Variants in MAML2 observed in about 807,000 individuals in gnomAD.
The protein encoded by MAML2 is mastermind like transcriptional coactivator 2.
Under a neutral mutation model 96.1 loss-of-function variants are expected in MAML2, and 22 were observed. The ratio of observed to expected loss-of-function variants is 0.23; its 90% CI spans 0.16 to 0.33. The LOEUF (loss-of-function observed/expected upper bound fraction) is 0.33. Ranked by LOEUF, MAML2 falls within the 10% of genes least tolerant of loss-of-function variation. The probability of loss-of-function intolerance (pLI) is 1.00; values close to 1 mark genes in which losing one functional copy is unlikely to be tolerated. For synonymous variants in MAML2, 561 were observed against 521.3 expected (o/e 1.08, Z -1.04); for missense variants, 1,367 against 1,392.4 (o/e 0.98, Z 0.29).
intron 2 of MAML2, among the ~76,000 whole-genome samples, chr11:96,045,206 T>A (rs1472485799): frequency 6.6e-6 from 1 of 152,180 alleles, no homozygotes; most frequent in Admixed American, 6.5e-5. Flanking sequence ...TGGTCACCCG[T>A]ACTGAGCAAA....
In MAML2 at chr11:96,029,123, T is replaced by C. The variant is rs1055788051; in HGVS notation, c.2140-37400A>G. Among the ~76,000 whole-genome samples the C allele has an allele frequency of 5.9e-5, 9 of 151,978 alleles. No individual in the cohort carries two copies. The East Asian group carries it at 1.5e-3, about 26-fold the overall frequency. On this transcript the variant is annotated intron_variant, in intron 2 of 4. Coordinates refer to ENST00000524717, the MANE Select transcript of MAML2 (RefSeq NM_032427.4). ...CAACCCAAAGGTGCCTGTCTGTTTC[T>C]GAAATTTGCAACATCTGCTAGGGAA... is the stretch of plus-strand genomic sequence containing the variant.
At chr11:96,025,128 G>A (rs559437935) in intron 2 of MAML2, among the ~76,000 whole-genome samples, 3 of 152,246 alleles carry the variant, frequency 2.0e-5, no homozygotes, top group African/African-American at 7.2e-5. Context: ...ATTCACAATA[G>A]TAAAGACATG....
chr11:96,008,028 A>T (rs7480051), intron 2 of MAML2, among the ~76,000 whole-genome samples: 147 of 102,314 alleles, frequency 1.4e-3, no homozygotes, highest in African/African-American at 5.5e-3. Flanking sequence ...AAGTATAAAA[A>T]AAAAAAAAAA....
chr11:96,103,197 T>C (rs866097911), intron 1 of MAML2, among the ~76,000 whole-genome samples: 9 of 152,224 alleles, frequency 5.9e-5, no homozygotes, highest in South Asian at 2.1e-4. Flanking sequence ...AGTATGATTA[T>C]AGAAGCCAAC....
At chr11:96,058,477 G>A (rs144031833) in intron 2 of MAML2, among the ~76,000 whole-genome samples, 1,944 of 152,174 alleles carry the variant, frequency 0.013, 26 homozygotes, top group Non-Finnish European at 0.021. Context: ...GCGCCACCAT[G>A]CCTGGCTAAT....
chr11:96,309,390 C>T (rs373580424), intron 1 of MAML2, among the ~76,000 whole-genome samples: 1 of 152,152 alleles, frequency 6.6e-6, no homozygotes, highest in South Asian at 2.1e-4. Context: ...TTCATTCTTA[C>T]CTACAGCCAT....
chr11:96,154,557 C>A (rs1049668764), intron 1 of MAML2, among the ~76,000 whole-genome samples: 9 of 152,198 alleles, frequency 5.9e-5, no homozygotes, highest in African/African-American at 2.2e-4. Context: ...CTTAGAATAA[C>A]ATTGCAGAAG....
chr11:96,168,270 T>C (rs952916040), intron 1 of MAML2, among the ~76,000 whole-genome samples: 9 of 152,266 alleles, frequency 5.9e-5, no homozygotes, highest in African/African-American at 2.2e-4. Flanking sequence ...GTAGGTGTTC[T>C]ACCTTTATTA....
intron 1 of MAML2, among the ~76,000 whole-genome samples, chr11:96,277,263 A>G (rs1386901612): frequency 1.3e-5 from 2 of 152,122 alleles, no homozygotes; most frequent in Admixed American, 6.5e-5. Flanking sequence ...AATATTTTAC[A>G]TCTTTATGAG....
intron 1 of MAML2, among the ~76,000 whole-genome samples, chr11:96,165,563 T>C (rs1163126092): frequency 6.6e-6 from 1 of 152,238 alleles, no homozygotes; most frequent in Non-Finnish European, 1.5e-5. Flanking sequence ...AAAATGGCTT[T>C]ATTGAGGTAT....
intron 2 of MAML2, among the ~76,000 whole-genome samples, chr11:96,047,464 A>T (rs1022610520): frequency 6.6e-6 from 1 of 152,152 alleles, no homozygotes; most frequent in African/African-American, 2.4e-5. Context: ...TGCTTTGAGG[A>T]TTCATTGGAA....
intron 2 of MAML2, among the ~76,000 whole-genome samples, chr11:96,006,527 C>T (rs1042053087): frequency 1.1e-4 from 16 of 149,238 alleles, no homozygotes; most frequent in Non-Finnish European, 7.4e-5. Flanking sequence ...TTTATTAATT[C>T]TATTGGGAAA....
intron 2 of MAML2, among the ~76,000 whole-genome samples, chr11:96,068,438 T>TCACACACA (rs10522513): frequency 0.058 from 7,018 of 120,254 alleles, 330 homozygotes; most frequent in South Asian, 0.073. Context: ...GGAGCTTACT[T>TCACACACA]CACACACACA....
rs114946250 is a variant in MAML2, at chr11:96,189,552, G to A, written c.514-96035C>T. On this transcript the variant is annotated intron_variant, in intron 1 of 4. Transcript: ENST00000524717. ...ACTGAAAATCTACAGCTTTGAAACT[G>A]CAGCACTACTAGTTAATTTGCAACA... Among the ~76,000 whole-genome samples the A allele has an allele frequency of 1.1e-3, 166 of 152,310 alleles. 1 individual carries two copies. The highest frequency in any genetic ancestry group is 3.8e-3 in the African/African-American group (158 of 41,562).
In MAML2 at chr11:96,037,716, G is replaced by A. The variant is rs190574603; in HGVS notation, c.2140-45993C>T. 2.6e-5 allele frequency among the ~76,000 whole-genome samples: 4 copies of A among 152,308 alleles called. No homozygotes were observed. In the East Asian group the frequency reaches 7.7e-4, roughly 29 times the overall value. ...TGGATCTTTTCTCCCAGAGGGAGCT[G>A]TGTTCAAAGGCAATTCACCCACAGA... On this transcript the variant is annotated intron_variant, in intron 2 of 4. Transcript: ENST00000524717.
chr11:96,086,878 G>A (rs970714722), intron 2 of MAML2, among the ~76,000 whole-genome samples: 11 of 152,108 alleles, frequency 7.2e-5, no homozygotes, highest in African/African-American at 2.7e-4. Context: ...CCCTACATTC[G>A]AATTGACCTA....
intron 1 of MAML2, among the ~76,000 whole-genome samples, chr11:96,151,961 A>C (rs1860931443): frequency 6.6e-6 from 1 of 152,222 alleles, no homozygotes; most frequent in Non-Finnish European, 1.5e-5. Context: ...TTATGCCTGT[A>C]ATCTTGGCAC....
At chr11:96,231,412 G>T (rs552359792) in intron 1 of MAML2, among the ~76,000 whole-genome samples, 2 of 152,260 alleles carry the variant, frequency 1.3e-5, no homozygotes, top group South Asian at 4.1e-4. Flanking sequence ...TGTTTCTGTA[G>T]CCTACGCCAT....
chr11:96,123,647 C>T (rs1465378283), intron 1 of MAML2, among the ~76,000 whole-genome samples: 1 of 152,132 alleles, frequency 6.6e-6, no homozygotes, highest in Non-Finnish European at 1.5e-5. Context: ...CTGGAATCAC[C>T]AAGTGGTGAG....
Sources: allele counts gnomAD v4.1 joint callset (sites outside exome capture counted in the v4.1 genomes callset), GRCh38; gene constraint gnomAD v4.1.1; transcripts MANE v1.5; gene names NCBI Gene and HGNC (gene_info 2026-07-23, HGNC 2026-07-21).